Variants in KLF8 observed in about 807,000 individuals in gnomAD.
The protein encoded by KLF8 is KLF transcription factor 8.
A neutral mutation model predicts 18.2 loss-of-function variants in KLF8; 10 were observed. The ratio of observed to expected loss-of-function variants is 0.55; its 90% CI spans 0.34 to 0.93. The LOEUF is 0.93. Ranked by LOEUF, KLF8 falls within the 40% of genes least tolerant of loss-of-function variation. The pLI is 0.02. For synonymous variants in KLF8, 109 were observed against 97.3 expected, an observed-to-expected ratio of 1.12 and a Z score of -0.71; for missense variants, 264 against 277.9, an observed-to-expected ratio of 0.95 and a Z score of 0.36.
chrX:56,284,197 G>T (rs776426369), intron 5 of KLF8, 116 bp from the exon 6 acceptor site: 39 of 536,438 alleles, frequency 7.3e-5, no homozygotes, highest in Non-Finnish European at 1.0e-4. Flanking sequence ...ATGCCTTCAA[G>T]GTTATTGCCT....
At chrX:55,947,394 A>T in the KLF8 span, among the ~76,000 whole-genome samples, 1 of 107,305 alleles carries the variant, frequency 9.3e-6, no homozygotes, top group Non-Finnish European at 1.9e-5. Flanking sequence ...AGAAGAAAAA[A>T]CCAAACACCG....
chrX:56,044,528 T>C, the KLF8 span, among the ~76,000 whole-genome samples: 1 of 111,765 alleles, frequency 8.9e-6, no homozygotes, highest in Admixed American at 9.5e-5. Flanking sequence ...TGCAGGGAGG[T>C]CCCACCCAGT....
chrX:56,011,524 C>A, the KLF8 span, among the ~76,000 whole-genome samples: 1 of 111,568 alleles, frequency 9.0e-6, no homozygotes, highest in East Asian at 2.8e-4. Context: ...CTCAACTTAT[C>A]AAACTAACAT....
the KLF8 span, among the ~76,000 whole-genome samples, chrX:56,057,076 T>C: frequency 9.0e-6 from 1 of 110,725 alleles, no homozygotes; most frequent in African/African-American, 3.3e-5. Context: ...TTCATCACAG[T>C]GGTGAAGGCA....
At chrX:55,983,677 C>T in the KLF8 span, among the ~76,000 whole-genome samples, 1 of 111,462 alleles carries the variant, frequency 9.0e-6, no homozygotes, top group African/African-American at 3.3e-5. Flanking sequence ...TGGTTACATG[C>T]ATTAATTATA....
the KLF8 span, chrX:55,908,162 G>T: frequency 2.3e-5 from 4 of 173,058 alleles, no homozygotes; most frequent in Non-Finnish European, 4.3e-5. Context: ...AGATGCGGTG[G>T]GGTGTGGCGG....
At chrX:55,931,790 T>A in the KLF8 span, among the ~76,000 whole-genome samples, 2 of 111,547 alleles carry the variant, frequency 1.8e-5, no homozygotes, top group African/African-American at 6.5e-5. Flanking sequence ...CTTCCAATTA[T>A]GTGATCAATT....
chrX:56,153,329 T>TG, the KLF8 span, among the ~76,000 whole-genome samples: 1 of 108,763 alleles, frequency 9.2e-6, no homozygotes, highest in Non-Finnish European at 1.9e-5. Flanking sequence ...CGCTCTTGCA[T>TG]GGGGAACAGA....
At chrX:56,167,909 AATTATTTCC>A in the KLF8 span, among the ~76,000 whole-genome samples, 7 of 111,848 alleles carry the variant, frequency 6.3e-5, no homozygotes, top group Non-Finnish European at 5.6e-5. Flanking sequence ...AAAGTGGATA[AATTATTTCC>A]ATCCCATATT....
At chrX:56,000,869 G>A in the KLF8 span, among the ~76,000 whole-genome samples, 1 of 111,059 alleles carries the variant, frequency 9.0e-6, no homozygotes, top group South Asian at 3.8e-4. Flanking sequence ...TCCTTTGCAT[G>A]TATGTATCAG....
At chrX:56,183,135 G>A in the KLF8 span, among the ~76,000 whole-genome samples, 1 of 111,977 alleles carries the variant, frequency 8.9e-6, no homozygotes, top group African/African-American at 3.2e-5. Flanking sequence ...GAGCTTCTGT[G>A]CCACTTTCAT....
At chrX:56,156,207 A>T in the KLF8 span, among the ~76,000 whole-genome samples, 2 of 112,471 alleles carry the variant, frequency 1.8e-5, no homozygotes, top group African/African-American at 6.5e-5. Context: ...ATGTTATATC[A>T]AAATTTGAAA....
At chrX:55,925,388 C>T in the KLF8 span, among the ~76,000 whole-genome samples, 1 of 109,512 alleles carries the variant, frequency 9.1e-6, no homozygotes, top group East Asian at 2.9e-4. Context: ...ATTTCTGTCA[C>T]TACACACGCA....
At chrX:56,177,751 C>T in the KLF8 span, among the ~76,000 whole-genome samples, 2 of 111,688 alleles carry the variant, frequency 1.8e-5, no homozygotes, top group African/African-American at 6.5e-5. Flanking sequence ...GGGCTCCACC[C>T]TGTTCTTTCT....
the KLF8 span, among the ~76,000 whole-genome samples, chrX:55,963,544 A>G: frequency 9.2e-6 from 1 of 108,984 alleles, no homozygotes; most frequent in Non-Finnish European, 1.9e-5. Flanking sequence ...ATTACTGAAG[A>G]CACTCCCCCT....
At chrX:56,184,091 A>G in the KLF8 span, among the ~76,000 whole-genome samples, 1 of 112,683 alleles carries the variant, frequency 8.9e-6, no homozygotes, top group South Asian at 3.7e-4. Context: ...TGAGAAGCAC[A>G]AGGTGTCAGG....
At chrX:56,019,643 A>G in the KLF8 span, among the ~76,000 whole-genome samples, 1 of 112,024 alleles carries the variant, frequency 8.9e-6, no homozygotes, top group South Asian at 3.7e-4. Context: ...GATGAGGGTT[A>G]TGTGGTAAGA....
At chrX:56,167,089 G>A in the KLF8 span, among the ~76,000 whole-genome samples, 5 of 111,971 alleles carry the variant, frequency 4.5e-5, no homozygotes, top group Non-Finnish European at 9.4e-5. Context: ...GCTGCAGAAA[G>A]TAATGGAGTT....
the KLF8 span, among the ~76,000 whole-genome samples, chrX:55,945,755 A>C: frequency 4.5e-5 from 5 of 111,361 alleles, no homozygotes; most frequent in Non-Finnish European, 9.4e-5. Context: ...GTCTCAGCCC[A>C]AAATCTCCTT....
Sources: allele counts gnomAD v4.1 joint callset (sites outside exome capture counted in the v4.1 genomes callset), GRCh38; gene constraint gnomAD v4.1.1; transcripts MANE v1.5; gene names NCBI Gene and HGNC (gene_info 2026-07-23, HGNC 2026-07-21).